Variants in FAM53C observed in about 807,000 individuals in gnomAD.
The protein encoded by FAM53C is protein FAM53C.
In FAM53C, 10 loss-of-function variants were observed where a neutral mutation model predicts 34.7. The ratio of observed to expected loss-of-function variants is 0.29; its 90% CI spans 0.18 to 0.49. FAM53C has a LOEUF of 0.49. FAM53C is among the 20% of genes least tolerant of loss of function. The pLI is 0.99. For missense variants in FAM53C, 442 were observed against 515.3 expected (o/e 0.86, Z 1.38); for synonymous variants, 203 against 203.6 (o/e 1.00, Z 0.03).
intron 2 of FAM53C, 176 bp downstream of exon 2, chr5:138,341,589 G>T: frequency 1.3e-6 from 1 of 749,506 alleles, no homozygotes; most frequent in Non-Finnish European, 2.3e-6. Context: ...TTTTTCCACC[G>T]ATAGAGAAGG....
Position 138,345,358 on chromosome 5 carries a change from C to A in FAM53C, c.670C>A (p.Pro224Thr). The A allele has an allele frequency of 1.2e-6, 2 of 1,614,222 alleles. No homozygotes were observed. Among genetic ancestry groups the A allele is most frequent in the Non-Finnish European group, 1.7e-6 (2 of 1,180,050 alleles). The part of the protein sequence containing the change: ...SWESDAESLS[P>T]CPPQRRFSLS... ...GGAGAGTGATGCTGAGTCCTTGTCA[C>A]CTTGCCCACCTCAGCGCCGCTTCTC... is the stretch of plus-strand genomic sequence containing the variant. The change falls in exon 4 of 5, where the codon CCT becomes ACT. Residue 224 changes from proline (P) to threonine (T), a missense_variant. Transcript: ENST00000239906. This position sits in a 1 kb window ranked among gnomAD's most constrained non-coding sequence, Gnocchi z 6.3.
At chr5:138,338,060 C>T (rs967341622), upstream of FAM53C, 6 of 1,289,586 alleles carry the variant, frequency 4.7e-6, no homozygotes, top group African/African-American at 3.0e-5. Context: ...GTGAGGAAAC[C>T]ACCCCCATCC....
upstream of FAM53C, chr5:138,338,113 G>A (rs1561737716): frequency 1.2e-5 from 16 of 1,289,690 alleles, no homozygotes; most frequent in Non-Finnish European, 1.3e-5. Flanking sequence ...CGCTGTCCGA[G>A]AGACACTTTG....
chr5:138,346,049 C>G (rs1390397551), intron 4 of FAM53C, among the ~76,000 whole-genome samples: 1 of 152,236 alleles, frequency 6.6e-6, no homozygotes, highest in Non-Finnish European at 1.5e-5. Flanking sequence ...GTGTATTCAT[C>G]TGTTAGACAA....
In FAM53C at chr5:138,344,869, T is replaced by C; in HGVS notation, c.181T>C (p.Phe61Leu). The change falls in exon 4 of 5, where the codon TTC (phenylalanine) becomes CTC (leucine). Residue 61 changes from phenylalanine to leucine, a missense_variant. Phe to Leu is a conservative substitution (Grantham distance 22). Transcript: ENST00000239906. ...CCTGCCCCACTGTTCCTGTGCTGAG[T>C]TCCAGGACAGCCTCAACTTCAGCTA... is the stretch of plus-strand genomic sequence containing the variant. ...RGLPHCSCAE[F>L]QDSLNFSYHP... The C allele has an allele frequency of 1.2e-6, 2 of 1,608,036 alleles. No homozygotes were observed. The highest frequency in any genetic ancestry group is 1.7e-4 in the Middle Eastern group (1 of 6,030).
At chr5:138,338,926 C>T (rs573756563) in intron 1 of FAM53C, among the ~76,000 whole-genome samples, 1 of 152,326 alleles carries the variant, frequency 6.6e-6, no homozygotes, top group South Asian at 2.1e-4. Flanking sequence ...CCTACCTTGT[C>T]TTGGTACAGC....
At chr5:138,344,471 C>T (rs1417215242) in intron 3 of FAM53C, among the ~76,000 whole-genome samples, 1 of 152,202 alleles carries the variant, frequency 6.6e-6, no homozygotes, top group Admixed American at 6.5e-5. Flanking sequence ...GTGTTTGTTT[C>T]TCTTGACTTC....
chr5:138,345,010 G>T lies in FAM53C; in HGVS notation c.322G>T (p.Val108Leu). Residue 108 changes from valine to leucine, a missense_variant, in exon 4 of 5, where the codon GTG (valine) becomes TTG (leucine). Val to Leu is a conservative substitution (Grantham distance 32). Coordinates refer to ENST00000239906, the MANE Select transcript of FAM53C (RefSeq NM_016605.3). This position sits in a 1 kb window ranked among gnomAD's most constrained non-coding sequence, Gnocchi z 6.3. ...PEPPDPEKLPVPPAPPSKRHC... is the reference protein window; with the variant it reads ...PEPPDPEKLPLPPAPPSKRHC... ...GCCCCCAGATCCAGAGAAGCTTCCT[G>T]TGCCCCCTGCCCCTCCATCCAAGAG... The T allele has an allele frequency of 6.2e-7, 1 of 1,613,688 alleles. No homozygotes were observed. The highest frequency in any genetic ancestry group is 8.5e-7 in the Non-Finnish European group (1 of 1,179,812).
rs965851401 is a variant in FAM53C at position 138,338,275 on chromosome 5, C to T, written c.-185C>T. 5 of 919,058 alleles carry T rather than the reference C, an allele frequency of 5.4e-6. No individual in the cohort carries two copies. Among genetic ancestry groups the T allele is most frequent in the South Asian group, 2.7e-5 (2 of 73,636 alleles). The allele number at this position is 919,058 out of a possible 1,614,324, so 56.9% of individuals were successfully genotyped here. On this transcript the variant is annotated 5_prime_UTR_variant, in exon 1 of 5. Transcript: ENST00000239906. ...GGCGAACCGAGCGCTCAGAGCTGCT[C>T]CGGCCGCGGCCCTGGGAGCTGGAGG...
chr5:138,346,671 GGTGTAACT>G (rs753389323), intron 4 of FAM53C, 23 bp from the exon 5 acceptor site: 1 of 1,613,228 alleles, frequency 6.2e-7, no homozygotes, highest in Non-Finnish European at 8.5e-7. Flanking sequence ...CTTGCCTTCA[GGTGTAACT>G]GTCTTCTTTG....
upstream of FAM53C, chr5:138,337,712 G>A (rs1580845816): frequency 6.0e-6 from 2 of 333,824 alleles, no homozygotes; most frequent in East Asian, 1.8e-4. Context: ...GCTGCAAGAG[G>A]GGCTCCTGGG....
chr5:138,338,068 T>G (rs1236541684), upstream of FAM53C: 1 of 1,289,698 alleles, frequency 7.8e-7, no homozygotes, highest in Admixed American at 2.3e-5. Context: ...ACCACCCCCA[T>G]CCCTAAATCA....
chr5:138,347,126 G>A lies in FAM53C; in HGVS notation c.*167G>A. 1 of 947,212 alleles carries A rather than the reference G, an allele frequency of 1.1e-6. No individual in the cohort carries two copies. The allele number at this position is 947,212 out of a possible 1,614,324, so 58.7% of individuals were successfully genotyped here. On this transcript the variant is annotated 3_prime_UTR_variant, in exon 5 of 5. Coordinates refer to ENST00000239906, the MANE Select transcript of FAM53C (RefSeq NM_016605.3). ...GCTCCAGCAAGCTCGACCATGCCAA[G>A]AGACTGGCCGGGACAAGATAAACGG... is the stretch of plus-strand genomic sequence containing the variant.
upstream of FAM53C, chr5:138,337,892 C>T (rs1158596467): frequency 2.5e-6 from 3 of 1,184,332 alleles, no homozygotes; most frequent in Non-Finnish European, 3.3e-6. Flanking sequence ...GCGGCCCGAA[C>T]CGAGTGGGAG....
In FAM53C at chr5:138,344,839, A is replaced by ATCTC; in HGVS notation, c.151_152insTCTC (p.Arg51IlefsTer11). On this transcript the variant is annotated frameshift_variant, in exon 4 of 5. Transcript: ENST00000239906. LOFTEE classifies it high-confidence loss of function. Reference sequence around the variant, plus strand: ...ATGCCTTCCAGAAGGTGCTTCCTGGAGGGGCCTGCCCCACTGTTCCTGTGC... The same window carrying ATCTC: ...ATGCCTTCCAGAAGGTGCTTCCTGGATCTCGGGGCCTGCCCCACTGTTCCTGTGC... The ATCTC allele has an allele frequency of 1.3e-6, 2 of 1,546,394 alleles. No individual in the cohort carries two copies. The highest frequency in any genetic ancestry group is 2.1e-5 in the Admixed American group (1 of 46,514).
chr5:138,338,288 T>G lies in FAM53C; in HGVS notation c.-172T>G, dbSNP rs1026018407. The stretch of plus-strand genomic sequence containing the variant: ...CTCAGAGCTGCTCCGGCCGCGGCCC[T>G]GGGAGCTGGAGGAACCGCGGTAGGT... On this transcript the variant is annotated 5_prime_UTR_variant, in exon 1 of 5. Coordinates refer to ENST00000239906, the MANE Select transcript of FAM53C (RefSeq NM_016605.3). The G allele has an allele frequency of 2.5e-6, 2 of 815,732 alleles. No individual in the cohort carries two copies. The highest frequency in any genetic ancestry group is 3.6e-6 in the Non-Finnish European group (2 of 557,728). 50.5% of individuals were successfully genotyped at this position (815,732 alleles called of 1,614,324 possible). A position where few individuals can be genotyped will look rare whatever the true frequency, so the allele number is the denominator to read the frequency against.
intron 3 of FAM53C, among the ~76,000 whole-genome samples, chr5:138,343,449 G>A (rs1258817296): frequency 6.6e-6 from 1 of 151,592 alleles, no homozygotes; most frequent in Non-Finnish European, 1.5e-5. Context: ...GGCGGAGGTT[G>A]CAGTGAGCCG....
intron 1 of FAM53C, among the ~76,000 whole-genome samples, chr5:138,340,609 C>T (rs1234721110): frequency 6.6e-6 from 1 of 152,164 alleles, no homozygotes; most frequent in African/African-American, 2.4e-5. Context: ...TTGGAATTAC[C>T]CTGACCATTT....
At chr5:138,338,257 C>G, upstream of FAM53C, 1 of 1,095,856 alleles carries the variant, frequency 9.1e-7, no homozygotes, top group South Asian at 1.3e-5. Context: ...TGGGGCGAAC[C>G]GAGCGCTCAG....
Sources: gnomAD v4.1 joint callset for allele counts (sites outside exome capture counted in the v4.1 genomes callset) on GRCh38, gnomAD v4.1.1 for gene constraint, Gnocchi (gnomAD v3.1) non-coding constraint, MANE v1.5 for transcripts, NCBI Gene and HGNC (gene_info 2026-07-23, HGNC 2026-07-21) for gene names.